The following FZD5 variants were observed in gnomAD, a reference collection of about 807,000 sequenced individuals.
FZD5 encodes the protein frizzled-5.
A neutral mutation model predicts 40.8 loss-of-function variants in FZD5; 12 were observed. The observed-to-expected ratio is 0.29, with a 90% CI of 0.19 to 0.48. The LOEUF (loss-of-function observed/expected upper bound fraction) is 0.48, where lower values mean the gene tolerates loss of function less well. FZD5 is among the 20% of genes least tolerant of loss of function. FZD5 has a pLI of 0.99. For synonymous variants in FZD5, 380 were observed against 383.7 expected (o/e 0.99, Z 0.11); for missense variants, 622 against 832.8 (o/e 0.75, Z 3.12).
chr2:207,763,195 A>T lies in FZD5; in HGVS notation c.*3787T>A, dbSNP rs1399381833. The T allele has an allele frequency of 6.6e-6, 1 of 152,198 alleles. No individual in the cohort carries two copies. Among genetic ancestry groups the T allele is most frequent in the Non-Finnish European group, 1.5e-5 (1 of 67,982 alleles). 9.4% of individuals were successfully genotyped at this position (152,198 alleles called of 1,614,324 possible). On this transcript the variant is annotated 3_prime_UTR_variant, in exon 2 of 2. Transcript: ENST00000295417. ...CTCATATATATATATAATATATATT[A>T]TGTATATATACAACCCACAAAACAT...
In FZD5 at chr2:207,768,854, T is replaced by C. The variant is rs1161777911; in HGVS notation, c.-115A>G. ...GTGTGTGGCGCCGGGGCTGGCAACC[T>C]GTTGGTTGCTTTTTCCTTTAAAGAA... On this transcript the variant is annotated 5_prime_UTR_variant, in exon 2 of 2. Transcript: ENST00000295417. The C allele has an allele frequency of 5.4e-5, 45 of 830,732 alleles. No homozygotes were observed. 51.5% of individuals were successfully genotyped at this position (830,732 alleles called of 1,614,324 possible). A position where few individuals can be genotyped will look rare whatever the true frequency, so the allele number is the denominator to read the frequency against.
rs2091977398 is a variant in FZD5, at chr2:207,765,979, A to G, written c.*1003T>C. 2 of 151,480 alleles carry G rather than the reference A, an allele frequency of 1.3e-5. No homozygotes were observed. 9.4% of individuals were successfully genotyped at this position (151,480 alleles called of 1,614,324 possible). ...GAAGTATATCCATTTCAGTCCTTAC[A>G]TTTAAAAAGGAGCCCCCTTTAGCAA... On this transcript the variant is annotated 3_prime_UTR_variant, in exon 2 of 2. Coordinates refer to ENST00000295417, the MANE Select transcript of FZD5 (RefSeq NM_003468.4).
In FZD5 at chr2:207,768,302, G is replaced by A. The variant is rs1365448060; in HGVS notation, c.438C>T (p.Leu146=). Residue 146 remains leucine (L), a synonymous_variant, in exon 2 of 2, where the codon CTC becomes CTT. Transcript: ENST00000295417. ...LPVLGRDAEV[L]CMDYNRSEAT... is the part of the protein sequence containing the mutation. ...CCTCGCTGCGGTTGTAATCCATGCA[G>A]AGGACCTCGGCGTCGCGGCCCAGCA... The A allele has an allele frequency of 6.5e-7, 1 of 1,541,858 alleles. No homozygotes were observed. Among genetic ancestry groups the A allele is most frequent in the Non-Finnish European group, 8.7e-7 (1 of 1,149,160 alleles).
In FZD5 at chr2:207,768,999, A is replaced by C; in HGVS notation, c.-255-5T>G. ...TCGGATTCCAGGGAAAGGACTCTTTAAAAAAGAAGGGGGAGAAGAAAGATT... is the reference window on the plus strand; with the variant it reads ...TCGGATTCCAGGGAAAGGACTCTTTCAAAAAGAAGGGGGAGAAGAAAGATT... On this transcript the variant is annotated splice_polypyrimidine_tract_variant and splice_region_variant and intron_variant, in intron 1 of 1. Transcript: ENST00000295417. The C allele has an allele frequency of 1.9e-6, 1 of 528,364 alleles. No individual in the cohort carries two copies. The highest frequency in any genetic ancestry group is 2.7e-5 in the South Asian group (1 of 36,476). 32.7% of individuals were successfully genotyped at this position (528,364 alleles called of 1,614,324 possible). A position where few individuals can be genotyped will look rare whatever the true frequency, so the allele number is the denominator to read the frequency against.
chr2:207,767,430 C>G lies in FZD5; in HGVS notation c.1310G>C (p.Gly437Ala), dbSNP rs1559179871. 2 of 1,612,562 alleles carry G rather than the reference C, an allele frequency of 1.2e-6. No homozygotes were observed. Among genetic ancestry groups the G allele is most frequent in the Non-Finnish European group, 8.5e-7 (1 of 1,179,954 alleles). ...CTTCTCCAGCTTGTCCGTCTTGGTG[C>G]CGCCCTGCTTGATGACGCTGCGGAT... ...FRIRSVIKQG[G>A]TKTDKLEKLM... The change falls in exon 2 of 2, where the codon GGC becomes GCC. Residue 437 changes from glycine to alanine, a missense_variant. This residue lies in a region of FZD5 where 208 missense variants were observed against 348.9 expected (regional missense o/e 0.60). Transcript: ENST00000295417.
rs1317328303 is a variant in FZD5, at chr2:207,767,236, C to T, written c.1504G>A (p.Val502Met). ...CACATGAAGTACTTGAGCATGAGCA[C>T]CCAGTACTCGGGCTTGGCGCGCGGC... ...GQPRAKPEYW[V>M]LMLKYFMCLV... The change falls in exon 2 of 2, where the codon GTG becomes ATG. Residue 502 changes from valine to methionine, a missense_variant. This residue lies in a region of FZD5 where 154 missense variants were observed against 152.1 expected (regional missense o/e 1.01). Coordinates refer to ENST00000295417, the MANE Select transcript of FZD5 (RefSeq NM_003468.4). 9 of 1,610,302 alleles carry T rather than the reference C, an allele frequency of 5.6e-6. No homozygotes were observed. The highest frequency in any genetic ancestry group is 7.6e-6 in the Non-Finnish European group (9 of 1,178,742).
Position 207,769,372 on chromosome 2 carries a change from A to C in FZD5, c.-363T>G, listed in dbSNP as rs1408688702. 1.3e-5 allele frequency: 2 copies of C among 152,530 alleles called. No individual in the cohort carries two copies. The highest frequency in any genetic ancestry group is 4.8e-5 in the African/African-American group (2 of 41,424). 9.4% of individuals were successfully genotyped at this position (152,530 alleles called of 1,614,324 possible). A position where few individuals can be genotyped will look rare whatever the true frequency, so the allele number is the denominator to read the frequency against. On this transcript the variant is annotated 5_prime_UTR_variant, in exon 1 of 2. Coordinates refer to ENST00000295417, the MANE Select transcript of FZD5 (RefSeq NM_003468.4). ...GACTCAGAGCCGGGCTGGCGCCCGG[A>C]AAGTTTAGCGACAGGCTGGGTACCC...
At position 207,769,887 on chromosome 2, in the gene FZD5, C is replaced by T. The variant is rs1044937331; in HGVS notation, c.-878G>A. On this transcript the variant is annotated 5_prime_UTR_variant, in exon 1 of 2. Coordinates refer to ENST00000295417, the MANE Select transcript of FZD5 (RefSeq NM_003468.4). ...GGCGGCGACCACAGCGGACTCACGG[C>T]CGCAGGCTGGCTGCCCTCTCCCGCC... 9.2e-5 allele frequency among the ~76,000 whole-genome samples: 14 copies of T among 152,032 alleles called. No individual in the cohort carries two copies. Among genetic ancestry groups the T allele is most frequent in the Non-Finnish European group, 1.3e-4 (9 of 67,972 alleles).
In FZD5 at chr2:207,767,102, C is replaced by G. The variant is rs2091983109; in HGVS notation, c.1638G>C (p.Lys546Asn). 6.3e-7 allele frequency: 1 copy of G among 1,577,374 alleles called. No homozygotes were observed. Among genetic ancestry groups the G allele is most frequent in the Non-Finnish European group, 8.6e-7 (1 of 1,162,286 alleles). Residue 546 changes from lysine to asparagine, a missense_variant, in exon 2 of 2, where the codon AAG (lysine) becomes AAC (asparagine). By Grantham distance (94) the Lys-to-Asn change is moderately conservative. Coordinates refer to ENST00000295417, the MANE Select transcript of FZD5 (RefSeq NM_003468.4). ...RCCCRPRRGH[K>N]SGGAMAAGDY... is the part of the protein sequence containing the mutation. The stretch of plus-strand genomic sequence containing the variant: ...CCCCTGCGGCCATGGCGCCCCCGCT[C>G]TTGTGGCCGCGCCGCGGGCGGCAGC...
rs1322876472 is a variant in FZD5 at position 207,769,753 on chromosome 2, A to T, written c.-744T>A. On this transcript the variant is annotated 5_prime_UTR_variant, in exon 1 of 2. Transcript: ENST00000295417. ...TCCCCTGCAGGGGGCTCCGCGCTCC[A>T]GTGGACTCCTGGGGGCGGTGGCGAC... Among the ~76,000 whole-genome samples the T allele has an allele frequency of 6.6e-6, 1 of 151,854 alleles. No individual in the cohort carries two copies. The highest frequency in any genetic ancestry group is 1.5e-5 in the Non-Finnish European group (1 of 67,942).
At position 207,767,052 on chromosome 2, in the gene FZD5, A is replaced by G. The variant is rs2091982699; in HGVS notation, c.1688T>C (p.Leu563Pro). 1 of 1,522,766 alleles carries G rather than the reference A, an allele frequency of 6.6e-7. No homozygotes were observed. The highest frequency in any genetic ancestry group is 8.7e-7 in the Non-Finnish European group (1 of 1,145,508). 94.3% of individuals were successfully genotyped at this position (1,522,766 alleles called of 1,614,324 possible). ...AGDYPEASAA[L>P]TGRTGPPGPA... ...GCCCGGCGGCCCGGTCCTGCCTGTGAGCGCGGCGCTCGCCTCGGGGTAGTC... is the reference window on the plus strand; with the variant it reads ...GCCCGGCGGCCCGGTCCTGCCTGTGGGCGCGGCGCTCGCCTCGGGGTAGTC... The change falls in exon 2 of 2, where the codon CTC becomes CCC. Residue 563 changes from leucine to proline, a missense_variant. By Grantham distance (98) the Leu-to-Pro change is moderately conservative. Transcript: ENST00000295417.
rs2091961711 is a variant in FZD5, at chr2:207,762,825, G to A, written c.*4157C>T. ...GAGACTAACATAACCACATACAACT[G>A]CTGTTTCTACTGACTCCCAGGAACG... On this transcript the variant is annotated 3_prime_UTR_variant, in exon 2 of 2. Coordinates refer to ENST00000295417, the MANE Select transcript of FZD5 (RefSeq NM_003468.4). 1 of 152,488 alleles carries A rather than the reference G, an allele frequency of 6.6e-6. No homozygotes were observed. The highest frequency in any genetic ancestry group is 6.6e-5 in the Admixed American group (1 of 15,266). The allele number at this position is 152,488 out of a possible 1,614,324, so 9.4% of individuals were successfully genotyped here. A position where few individuals can be genotyped will look rare whatever the true frequency, so the allele number is the denominator to read the frequency against.
In FZD5 at chr2:207,768,261, G is replaced by C. The variant is rs781489843; in HGVS notation, c.479C>G (p.Pro160Arg). Residue 160 changes from proline to arginine, a missense_variant, in exon 2 of 2, where the codon CCC (proline) becomes CGC (arginine). Transcript: ENST00000295417. ...GGTGGGCTTGGCTGGGAAAGGCCTG[G>C]GGGGCGCCGTGGTGGCCTCGCTGCG... ...YNRSEATTAP[P>R]RPFPAKPTLP... The C allele has an allele frequency of 1.3e-6, 2 of 1,547,468 alleles. No individual in the cohort carries two copies. Among genetic ancestry groups the C allele is most frequent in the Non-Finnish European group, 1.7e-6 (2 of 1,151,872 alleles).
In FZD5 at chr2:207,768,261, G is replaced by T. The variant is rs781489843; in HGVS notation, c.479C>A (p.Pro160His). The T allele has an allele frequency of 4.0e-5, 62 of 1,547,350 alleles. No individual in the cohort carries two copies. The highest frequency in any genetic ancestry group is 4.9e-5 in the Non-Finnish European group (57 of 1,151,880). The part of the protein sequence containing the change: ...YNRSEATTAP[P>H]RPFPAKPTLP... ...GGTGGGCTTGGCTGGGAAAGGCCTGGGGGGCGCCGTGGTGGCCTCGCTGCG... is the reference window on the plus strand; with the variant it reads ...GGTGGGCTTGGCTGGGAAAGGCCTGTGGGGCGCCGTGGTGGCCTCGCTGCG... The change falls in exon 2 of 2, where the codon CCC (proline) becomes CAC (histidine). Residue 160 changes from proline (P) to histidine (H), a missense_variant. Coordinates refer to ENST00000295417, the MANE Select transcript of FZD5 (RefSeq NM_003468.4).
Position 207,767,135 on chromosome 2 carries a change from G to C in FZD5, c.1605C>G (p.Ser535Arg). Residue 535 changes from serine to arginine, a missense_variant, in exon 2 of 2, where the codon AGC (serine) becomes AGG (arginine). By Grantham distance (110) the Ser-to-Arg change is moderately radical (BLOSUM62 -1). Around this residue, in one of 4 missense-constraint regions of FZD5, gnomAD observed 154 missense variants for 152.1 expected, o/e 1.01. Transcript: ENST00000295417. ...KTVESWRRFT[S>R]RCCCRPRRGH... ...CGCGCCGCGGGCGGCAGCAGCAGCG[G>C]CTGGTGAAACGCCGCCACGACTCCA... 1.9e-6 allele frequency: 3 copies of C among 1,566,946 alleles called. No individual in the cohort carries two copies. Among genetic ancestry groups the C allele is most frequent in the Non-Finnish European group, 2.6e-6 (3 of 1,157,310 alleles).
rs143129767 is a variant in FZD5, at chr2:207,765,542, AGTGTGT to A, written c.*1434_*1439del. 1 of 152,082 alleles carries A rather than the reference AGTGTGT, an allele frequency of 6.6e-6. No individual in the cohort carries two copies. Among genetic ancestry groups the A allele is most frequent in the Non-Finnish European group, 1.5e-5 (1 of 67,956 alleles). The allele number at this position is 152,082 out of a possible 1,614,324, so 9.4% of individuals were successfully genotyped here. On this transcript the variant is annotated 3_prime_UTR_variant, in exon 2 of 2. Transcript: ENST00000295417. ...AGCAAACCAAATTCTCTAATTGCAAAGTGTGTGTGTGTGTGATCATCAATATACAGG... is the reference window on the plus strand; with the variant it reads ...AGCAAACCAAATTCTCTAATTGCAAAGTGTGTGTGATCATCAATATACAGG...
At position 207,768,533 on chromosome 2, in the gene FZD5, C is replaced by G; in HGVS notation, c.207G>C (p.Gln69His). 2 of 1,614,004 alleles carry G rather than the reference C, an allele frequency of 1.2e-6. No individual in the cohort carries two copies. The highest frequency in any genetic ancestry group is 1.7e-6 in the Non-Finnish European group (2 of 1,179,884). ...TQDEAGLEVHQFWPLVEIQCS... is the reference protein window; with the variant it reads ...TQDEAGLEVHHFWPLVEIQCS... The stretch of plus-strand genomic sequence containing the variant: ...ATTGGATCTCCACCAGCGGCCAGAA[C>G]TGGTGCACCTCCAGGCCCGCCTCGT... The change falls in exon 2 of 2, where the codon CAG becomes CAC. Residue 69 changes from glutamine to histidine, a missense_variant. Transcript: ENST00000295417.
rs2091980704 is a variant in FZD5 at position 207,766,664 on chromosome 2, G to T, written c.*318C>A. On this transcript the variant is annotated 3_prime_UTR_variant, in exon 2 of 2. Coordinates refer to ENST00000295417, the MANE Select transcript of FZD5 (RefSeq NM_003468.4). ...TCATTACAACGCCAACCTTAGGATT[G>T]TAAAGCCCCCAAAGCAAAGGTAAAT... The T allele has an allele frequency of 4.2e-6, 1 of 238,684 alleles. No homozygotes were observed. Among genetic ancestry groups the T allele is most frequent in the African/African-American group, 2.2e-5 (1 of 44,556 alleles). 14.8% of individuals were successfully genotyped at this position (238,684 alleles called of 1,614,324 possible).
In FZD5 at chr2:207,768,607, C is replaced by T; in HGVS notation, c.133G>A (p.Gly45Ser). Residue 45 changes from glycine to serine, a missense_variant, in exon 2 of 2, where the codon GGC becomes AGC. Gly to Ser is a moderately conservative substitution (Grantham distance 56, BLOSUM62 0). Around this residue, in one of 4 missense-constraint regions of FZD5, gnomAD observed 144 missense variants for 214.2 expected, o/e 0.67. Transcript: ENST00000295417. ...TTGGGCATGTGCGTCAGGTTGTAGC[C>T]GATGCCGCGGCACATGGGCACCGTG... is the stretch of plus-strand genomic sequence containing the variant. ...EITVPMCRGI[G>S]YNLTHMPNQF... is the part of the protein sequence containing the mutation. 1 of 1,613,932 alleles carries T rather than the reference C, an allele frequency of 6.2e-7. No individual in the cohort carries two copies. The highest frequency in any genetic ancestry group is 8.5e-7 in the Non-Finnish European group (1 of 1,179,866).
Sources: allele counts gnomAD v4.1 joint callset (sites outside exome capture counted in the v4.1 genomes callset), GRCh38; gene constraint gnomAD v4.1.1; regional missense constraint gnomAD v4.1.1; transcripts MANE v1.5; gene names NCBI Gene and HGNC (gene_info 2026-07-23, HGNC 2026-07-21).